SIPA1L2: variants seen among roughly 807,000 people sequenced by gnomAD.
SIPA1L2 encodes the protein signal-induced proliferation-associated 1-like protein 2.
In SIPA1L2, 56 loss-of-function variants were observed where a neutral mutation model predicts 163.9. That is an observed-to-expected ratio of 0.34 (90% CI 0.28 to 0.43). The LOEUF is 0.43. Among genes scored for constraint, SIPA1L2 ranks in the 20% least tolerant of loss-of-function variants. SIPA1L2 has a pLI of 1.00. For synonymous variants in SIPA1L2, 877 were observed against 865.7 expected, an observed-to-expected ratio of 1.01 and a Z score of -0.23; for missense variants, 1,974 against 2,193.5, an observed-to-expected ratio of 0.90 and a Z score of 2.00.
chr1:232,463,457 C>T (rs1664343127), intron 9 of SIPA1L2, among the ~76,000 whole-genome samples: 1 of 152,224 alleles, frequency 6.6e-6, no homozygotes, highest in Non-Finnish European at 1.5e-5. Context: ...TGTTGCAAGT[C>T]ATCCTAGACA....
chr1:232,618,411 T>C (rs920769591), intron 1 of SIPA1L2, among the ~76,000 whole-genome samples: 2 of 152,166 alleles, frequency 1.3e-5, no homozygotes, highest in Non-Finnish European at 2.9e-5. Context: ...ATCCCAGCAC[T>C]TTAGGAGGCC....
intron 2 of SIPA1L2, among the ~76,000 whole-genome samples, chr1:232,550,518 C>T (rs1225168665): frequency 1.3e-5 from 2 of 152,174 alleles, no homozygotes; most frequent in East Asian, 3.8e-4. Flanking sequence ...AGCAGTTAAA[C>T]ACCATTACAC....
intron 1 of SIPA1L2, among the ~76,000 whole-genome samples, chr1:232,602,389 T>C (rs1368853064): frequency 6.6e-6 from 1 of 152,146 alleles, no homozygotes. Flanking sequence ...TGGAGTGCAG[T>C]AGTGCGATCC....
chr1:232,594,671 C>T (rs1661156644), intron 1 of SIPA1L2, among the ~76,000 whole-genome samples: 1 of 152,012 alleles, frequency 6.6e-6, no homozygotes, highest in African/African-American at 2.4e-5. Context: ...TTTTAAAAAT[C>T]AATAAGCTCC....
At chr1:232,498,079 C>T (rs1257742620) in intron 3 of SIPA1L2, among the ~76,000 whole-genome samples, 1 of 152,186 alleles carries the variant, frequency 6.6e-6, no homozygotes, top group Non-Finnish European at 1.5e-5. Context: ...ATACTCCCCT[C>T]ACCTCCAAAA....
intron 2 of SIPA1L2, among the ~76,000 whole-genome samples, chr1:232,550,666 C>G (rs1174543125): frequency 2.0e-5 from 3 of 152,204 alleles, no homozygotes; most frequent in Non-Finnish European, 2.9e-5. Flanking sequence ...AGGTATCCAA[C>G]ACTACTGTCT....
At chr1:232,549,639 G>A (rs1414518822) in intron 2 of SIPA1L2, among the ~76,000 whole-genome samples, 1 of 152,152 alleles carries the variant, frequency 6.6e-6, no homozygotes, top group African/African-American at 2.4e-5. Flanking sequence ...AAGTGAGGCA[G>A]GGTACCACCA....
chr1:232,612,443 T>C (rs1662290419), intron 1 of SIPA1L2, among the ~76,000 whole-genome samples: 1 of 152,160 alleles, frequency 6.6e-6, no homozygotes, highest in South Asian at 2.1e-4. Flanking sequence ...AGGGAGGCTG[T>C]ACCCTGCAAA....
At chr1:232,579,787 G>A (rs1009529316) in intron 1 of SIPA1L2, among the ~76,000 whole-genome samples, 2 of 152,114 alleles carry the variant, frequency 1.3e-5, no homozygotes, top group Non-Finnish European at 2.9e-5. Flanking sequence ...AGGAGAAAAA[G>A]CAAATATATT....
intron 22 of SIPA1L2, among the ~76,000 whole-genome samples, chr1:232,401,172 C>A (rs1660316508): frequency 6.6e-6 from 1 of 152,020 alleles, no homozygotes; most frequent in South Asian, 2.1e-4. Flanking sequence ...AAATTCAACT[C>A]TCCAACGGTT....
chr1:232,526,073 C>T (rs1203297305), intron 2 of SIPA1L2, among the ~76,000 whole-genome samples: 3 of 152,206 alleles, frequency 2.0e-5, no homozygotes, highest in South Asian at 4.1e-4. Flanking sequence ...GTATTATCTA[C>T]ATAAAAGGTT....
intron 5 of SIPA1L2, among the ~76,000 whole-genome samples, chr1:232,489,512 T>C (rs749738329): frequency 1.3e-4 from 20 of 151,364 alleles, no homozygotes; most frequent in Non-Finnish European, 2.2e-4. Flanking sequence ...TTTTTTAATA[T>C]GTCAGCTTTC....
At chr1:232,548,214 AG>A (rs1180957137) in intron 2 of SIPA1L2, among the ~76,000 whole-genome samples, 2 of 152,226 alleles carry the variant, frequency 1.3e-5, no homozygotes, top group Non-Finnish European at 2.9e-5. Context: ...CAAATCTCCA[AG>A]GGTTCTAATG....
chr1:232,513,679 T>C (rs573839489), intron 3 of SIPA1L2, among the ~76,000 whole-genome samples, 178 bp downstream of exon 3: 1 of 152,166 alleles, frequency 6.6e-6, no homozygotes, highest in Non-Finnish European at 1.5e-5. Flanking sequence ...TGCAGTTTTC[T>C]AAAGAAAAAA....
intron 9 of SIPA1L2, among the ~76,000 whole-genome samples, chr1:232,462,947 T>A (rs1045864095): frequency 6.6e-6 from 1 of 152,200 alleles, no homozygotes; most frequent in Non-Finnish European, 1.5e-5. Context: ...AAGTCTGAAG[T>A]AAGGTGTTCT....
intron 9 of SIPA1L2, among the ~76,000 whole-genome samples, chr1:232,463,804 G>C (rs1326291): frequency 0.13 from 19,123 of 152,118 alleles, 2,769 homozygotes; most frequent in East Asian, 0.71. Context: ...TCTTATCTAG[G>C]CTTGCTCACG....
chr1:232,603,162 A>G (rs17805760), intron 1 of SIPA1L2, among the ~76,000 whole-genome samples: 26,402 of 152,246 alleles, frequency 0.17, 2,630 homozygotes, highest in Middle Eastern at 0.3. Flanking sequence ...GTGACAGCAC[A>G]TACTAAGACA....
chr1:232,557,090 T>C (rs1446645857), intron 2 of SIPA1L2, among the ~76,000 whole-genome samples: 1 of 152,072 alleles, frequency 6.6e-6, no homozygotes, highest in African/African-American at 2.4e-5. Context: ...AAAATACTGA[T>C]AGGAGGTGAG....
At chr1:232,452,619 A>G (rs1256634877) in intron 10 of SIPA1L2, among the ~76,000 whole-genome samples, 1 of 152,206 alleles carries the variant, frequency 6.6e-6, no homozygotes. Context: ...TGGCCAGGCT[A>G]TGGACTTGGT....
Sources: gnomAD v4.1 joint callset for allele counts (sites outside exome capture counted in the v4.1 genomes callset) on GRCh38, gnomAD v4.1.1 for gene constraint, MANE v1.5 for transcripts, NCBI Gene and HGNC (gene_info 2026-07-23, HGNC 2026-07-21) for gene names.